The following SYT13 variants were observed in gnomAD, a reference collection of about 807,000 sequenced individuals.
The protein encoded by SYT13 is synaptotagmin-13.
SYT13 carries 21 observed loss-of-function variants against 38.6 expected under a neutral mutation model. The ratio of observed to expected loss-of-function variants is 0.54; its 90% CI spans 0.39 to 0.78. The LOEUF (loss-of-function observed/expected upper bound fraction) is 0.78, where lower values mean the gene tolerates loss of function less well. Among genes scored for constraint, SYT13 ranks in the 30% least tolerant of loss-of-function variants. SYT13 has a pLI of 0.00. For synonymous variants in SYT13, 241 were observed against 237.6 expected, an observed-to-expected ratio of 1.01 and a Z score of -0.13; for missense variants, 495 against 548.7, an observed-to-expected ratio of 0.90 and a Z score of 0.98.
In SYT13 at chr11:45,254,418, C is replaced by A. The variant is rs1053014908; in HGVS notation, c.410-14G>T. The stretch of plus-strand genomic sequence containing the variant: ...CCTCCACCACACCTGTTAAGAAAGT[C>A]GAAATCGTCACTGCCACCCACACTG... On this transcript the variant is annotated splice_polypyrimidine_tract_variant and intron_variant, in intron 2 of 5. Transcript: ENST00000020926. The A allele has an allele frequency of 2.5e-6, 4 of 1,608,852 alleles. No individual in the cohort carries two copies. Among genetic ancestry groups the A allele is most frequent in the South Asian group, 1.1e-5 (1 of 89,796 alleles).
At chr11:45,254,559 G>T in intron 2 of SYT13, 155 bp from the exon 3 acceptor site, 1 of 1,055,870 alleles carries the variant, frequency 9.5e-7, no homozygotes, top group Non-Finnish European at 1.3e-6. Context: ...ACAACAGGTG[G>T]GGTCAATGTC....
At chr11:45,268,573 G>A (rs1303564801) in intron 1 of SYT13, among the ~76,000 whole-genome samples, 3 of 152,320 alleles carry the variant, frequency 2.0e-5, no homozygotes, top group East Asian at 3.9e-4. Context: ...TCATGAGGAG[G>A]CATTACTGTC....
chr11:45,252,527 T>G lies in SYT13; in HGVS notation c.740A>C (p.Asp247Ala), dbSNP rs2135890029. 1 of 1,613,986 alleles carries G rather than the reference T, an allele frequency of 6.2e-7. No homozygotes were observed. Among genetic ancestry groups the G allele is most frequent in the Non-Finnish European group, 8.5e-7 (1 of 1,180,006 alleles). The change falls in exon 4 of 6, where the codon GAC (aspartate) becomes GCC (alanine). Residue 247 changes from aspartate to alanine, a missense_variant. Coordinates refer to ENST00000020926, the MANE Select transcript of SYT13 (RefSeq NM_020826.3). This position sits in a 1 kb window ranked among gnomAD's most constrained non-coding sequence, Gnocchi z 4.3. ...GGCCACGCTGTGACGGGAGAAGCGG[T>G]CGCAGGTCCTCAAGGTCAGCGTCAG... The part of the protein sequence containing the change: ...ATLTLTLRTC[D>A]RFSRHSVAGE...
rs75798822 is a variant in SYT13, at chr11:45,246,180, A to G, written c.976+203T>C. ...ATGGGATTGATCCAAGAGTAAATGG[A>G]TGGGAACTCATAGAAGTGAGTGTGT... is the stretch of plus-strand genomic sequence containing the variant. On this transcript the variant is annotated intron_variant, in intron 5 of 5. Coordinates refer to ENST00000020926, the MANE Select transcript of SYT13 (RefSeq NM_020826.3). 8.1e-3 allele frequency among the ~76,000 whole-genome samples: 1,227 copies of G among 152,282 alleles called. 23 individuals are homozygous for G. The highest frequency in any genetic ancestry group is 0.028 in the African/African-American group (1,156 of 41,556).
At position 45,255,895 on chromosome 11, in the gene SYT13, C is replaced by T; in HGVS notation, c.184-4G>A. 2 of 1,614,006 alleles carry T rather than the reference C, an allele frequency of 1.2e-6. No individual in the cohort carries two copies. Among genetic ancestry groups the T allele is most frequent in the Non-Finnish European group, 1.7e-6 (2 of 1,179,914 alleles). On this transcript the variant is annotated splice_polypyrimidine_tract_variant and splice_region_variant and intron_variant, in intron 1 of 5. Transcript: ENST00000020926. ...CCGTGGACTTTTTAACATTGAACTG[C>T]AAACACAAATTACTCTGATTAGTCC...
At chr11:45,246,689 T>A (rs1854618337) in intron 4 of SYT13, among the ~76,000 whole-genome samples, 177 bp from the exon 5 acceptor site, 1 of 152,190 alleles carries the variant, frequency 6.6e-6, no homozygotes, top group African/African-American at 2.4e-5. Flanking sequence ...CACAGAGGAA[T>A]TCCATGCGGC....
At chr11:45,250,984 T>G (rs1854667038) in intron 4 of SYT13, among the ~76,000 whole-genome samples, 1 of 152,144 alleles carries the variant, frequency 6.6e-6, no homozygotes, top group Admixed American at 6.5e-5. Context: ...TATGACCCTG[T>G]TTCCTCATCT....
intron 1 of SYT13, among the ~76,000 whole-genome samples, chr11:45,258,780 T>A (rs1854778513): frequency 6.6e-6 from 1 of 152,106 alleles, no homozygotes; most frequent in Non-Finnish European, 1.5e-5. Flanking sequence ...AAGACCGGGC[T>A]TGGGGGAGTA....
intron 1 of SYT13, among the ~76,000 whole-genome samples, chr11:45,261,443 C>CA (rs1565385354): frequency 3.3e-5 from 5 of 151,616 alleles, no homozygotes; most frequent in South Asian, 2.1e-4. Flanking sequence ...CACACACACA[C>CA]AAAAATTAGC....
intron 1 of SYT13, among the ~76,000 whole-genome samples, chr11:45,283,019 G>T (rs1855092258): frequency 1.3e-5 from 2 of 152,108 alleles, no homozygotes; most frequent in South Asian, 4.1e-4. Context: ...GTGGTGGCAC[G>T]TGCCTGTATT....
chr11:45,248,395 C>T (rs1158070148), intron 4 of SYT13, among the ~76,000 whole-genome samples: 1 of 152,182 alleles, frequency 6.6e-6, no homozygotes, highest in East Asian at 1.9e-4. Flanking sequence ...TTGATGACAA[C>T]CTCAAGAGGG....
intron 1 of SYT13, among the ~76,000 whole-genome samples, chr11:45,264,857 G>A (rs1854862581): frequency 6.6e-6 from 1 of 152,232 alleles, no homozygotes; most frequent in Non-Finnish European, 1.5e-5. Context: ...TGTGGACAAG[G>A]ATGTGAGACA....
chr11:45,282,146 C>G (rs1244914917), intron 1 of SYT13, among the ~76,000 whole-genome samples: 1 of 152,124 alleles, frequency 6.6e-6, no homozygotes, highest in Non-Finnish European at 1.5e-5. Flanking sequence ...GCTTTGCCTC[C>G]CTGGCTCTTT....
chr11:45,281,928 C>A (rs1855079254), intron 1 of SYT13, among the ~76,000 whole-genome samples: 1 of 152,122 alleles, frequency 6.6e-6, no homozygotes, highest in Non-Finnish European at 1.5e-5. Context: ...AGCCGTGGGG[C>A]AAGGGGAAAA....
intron 1 of SYT13, among the ~76,000 whole-genome samples, chr11:45,281,452 G>A (rs1039098972): frequency 1.3e-5 from 2 of 152,064 alleles, no homozygotes; most frequent in Non-Finnish European, 2.9e-5. Context: ...GATGACATGA[G>A]CTCAGGAATT....
At chr11:45,285,676 C>A (rs1855125314) in intron 1 of SYT13, among the ~76,000 whole-genome samples, 1 of 152,052 alleles carries the variant, frequency 6.6e-6, no homozygotes, top group Non-Finnish European at 1.5e-5. Context: ...CTGGCGATTC[C>A]CCTCCCAGCC....
chr11:45,271,729 G>A (rs934730787), intron 1 of SYT13, among the ~76,000 whole-genome samples: 8 of 152,222 alleles, frequency 5.3e-5, no homozygotes, highest in Non-Finnish European at 7.3e-5. Context: ...AGGAAACTAG[G>A]TGAGAAAACC....
intron 1 of SYT13, among the ~76,000 whole-genome samples, chr11:45,264,022 T>C (rs1854851894): frequency 6.6e-6 from 1 of 152,234 alleles, no homozygotes. Flanking sequence ...AGTCAGGTGC[T>C]ACAAAAAGTG....
At chr11:45,284,806 T>C (rs1228488479) in intron 1 of SYT13, among the ~76,000 whole-genome samples, 1 of 152,194 alleles carries the variant, frequency 6.6e-6, no homozygotes, top group Non-Finnish European at 1.5e-5. Flanking sequence ...ACTATTCCCC[T>C]TTTCCAGATC....
Sources: allele counts gnomAD v4.1 joint callset (sites outside exome capture counted in the v4.1 genomes callset), GRCh38; gene constraint gnomAD v4.1.1; non-coding constraint Gnocchi (gnomAD v3.1); transcripts MANE v1.5; gene names NCBI Gene and HGNC (gene_info 2026-07-23, HGNC 2026-07-21).